Variants in CASKIN2 observed in about 807,000 individuals in gnomAD.
CASKIN2 encodes caskin-2.
A neutral mutation model predicts 107.1 loss-of-function variants in CASKIN2; 41 were observed. The ratio of observed to expected loss-of-function variants is 0.38; its 90% CI spans 0.30 to 0.50. The LOEUF (loss-of-function observed/expected upper bound fraction) is 0.50. Among genes scored for constraint, CASKIN2 ranks in the 20% least tolerant of loss-of-function variants. The probability of loss-of-function intolerance (pLI) is 0.92; values close to 1 mark genes in which losing one functional copy is unlikely to be tolerated. For synonymous variants in CASKIN2, 724 were observed against 705.6 expected, an observed-to-expected ratio of 1.03 and a Z score of -0.41; for missense variants, 1,546 against 1,657.4, an observed-to-expected ratio of 0.93 and a Z score of 1.17.
chr17:75,504,182 C>G, intron 14 of CASKIN2, 33 bp downstream of exon 14: 1 of 1,324,028 alleles, frequency 7.6e-7, no homozygotes, highest in East Asian at 2.4e-5. Flanking sequence ...CCTTCCCCCC[C>G]GAGGCCCACG....
At position 75,503,683 on chromosome 17, in the gene CASKIN2, G is replaced by T. The variant is rs142199824; in HGVS notation, c.1656C>A (p.Ala552=). 1.2e-5 allele frequency: 20 copies of T among 1,612,106 alleles called. No homozygotes were observed. Among genetic ancestry groups the T allele is most frequent in the Non-Finnish European group, 1.7e-5 (20 of 1,179,996 alleles). Residue 552 remains alanine, a synonymous_variant, in exon 16 of 20, where the codon GCC becomes GCA. Coordinates refer to ENST00000321617, the MANE Select transcript of CASKIN2 (RefSeq NM_020753.5). ...CTGGGATGTAGCTGGGCAGCCACTC[G>T]GCGATGCTGAGCTGAGCGATCTCTG... ...IASEIAQLSI[A]EWLPSYIPTD...
Position 75,500,877 on chromosome 17 carries a change from C to A in CASKIN2, c.*203G>T. ...GGCTTTGCTGAGATGCAGCGGAGGT[C>A]CCTCGCTAGTCAGGTTCTAAGGTGG... On this transcript the variant is annotated 3_prime_UTR_variant, in exon 20 of 20. Transcript: ENST00000321617. 1.7e-6 allele frequency: 1 copy of A among 580,818 alleles called. No homozygotes were observed. Among genetic ancestry groups the A allele is most frequent in the Non-Finnish European group, 3.1e-6 (1 of 324,500 alleles). The allele number at this position is 580,818 out of a possible 1,614,324, so 36.0% of individuals were successfully genotyped here. A position where few individuals can be genotyped will look rare whatever the true frequency, so the allele number is the denominator to read the frequency against.
At position 75,508,304 on chromosome 17, in the gene CASKIN2, G is replaced by A. The variant is rs1422493568; in HGVS notation, c.95-19C>T. The A allele has an allele frequency of 6.2e-7, 1 of 1,612,402 alleles. No individual in the cohort carries two copies. The highest frequency in any genetic ancestry group is 8.5e-7 in the Non-Finnish European group (1 of 1,179,194). On this transcript the variant is annotated intron_variant, in intron 2 of 19. Coordinates refer to ENST00000321617, the MANE Select transcript of CASKIN2 (RefSeq NM_020753.5). ...AGGAGCTCTAGGGGTCAGGATAGGA[G>A]GTGTCAGGGCCATCAGATGACTGCC...
In CASKIN2 at chr17:75,505,487, T is replaced by A. The variant is rs1776513620; in HGVS notation, c.930+70A>T. ...GACCTCAGAGCAGAACGTGGTAACA[T>A]AGCAGGTGCCCAAATAAGTAACAGC... On this transcript the variant is annotated intron_variant, in intron 10 of 19. Transcript: ENST00000321617. The surrounding 1 kb of genome is among the most constrained non-coding windows in gnomAD (Gnocchi z 5.1). 1 of 1,430,580 alleles carries A rather than the reference T, an allele frequency of 7.0e-7. No homozygotes were observed. 88.6% of individuals were successfully genotyped at this position (1,430,580 alleles called of 1,614,324 possible). A position where few individuals can be genotyped will look rare whatever the true frequency, so the allele number is the denominator to read the frequency against.
chr17:75,507,199 G>A (rs1306036324), intron 4 of CASKIN2, 70 bp from the exon 5 acceptor site: 1 of 1,506,390 alleles, frequency 6.6e-7, no homozygotes, highest in African/African-American at 1.4e-5. Flanking sequence ...ACTGAGCAGA[G>A]TACGGAGCCA....
rs372987556 is a variant in CASKIN2, at chr17:75,501,118, C to T, written c.3571G>A (p.Asp1191Asn). 129 of 1,590,740 alleles carry T rather than the reference C, an allele frequency of 8.1e-5. No individual in the cohort carries two copies. The highest frequency in any genetic ancestry group is 4.6e-4 in the African/African-American group (34 of 74,560). ...GCGTCCAGCTGGTCAGCCAGGGCGT[C>T]GAACATGGTGCTGATGTCATCCAGA... ...HILDDISTMF[D>N]ALADQLDAML... is the part of the protein sequence containing the mutation. Residue 1191 changes from aspartate (D) to asparagine (N), a missense_variant, in exon 20 of 20, where the codon GAC (aspartate) becomes AAC (asparagine). Asp to Asn is a conservative substitution (Grantham distance 23, BLOSUM62 1). Transcript: ENST00000321617.
rs1346879704 is a variant in CASKIN2, at chr17:75,502,789, G to A, written c.2285C>T (p.Ser762Leu). The part of the protein sequence containing the change: ...PPYVFMYPQG[S>L]PSSPAPGPPP... ...TGGCCCTGGGGCCGGGCTAGAGGGT[G>A]AGCCCTGGGGGTACATAAAAACATA... Residue 762 changes from serine (S) to leucine (L), a missense_variant, in exon 18 of 20, where the codon TCA becomes TTA. Transcript: ENST00000321617. This position sits in a 1 kb window ranked among gnomAD's most constrained non-coding sequence, Gnocchi z 4.3. 3.8e-6 allele frequency: 6 copies of A among 1,594,932 alleles called. No homozygotes were observed. Among genetic ancestry groups the A allele is most frequent in the Non-Finnish European group, 5.1e-6 (6 of 1,171,438 alleles).
chr17:75,507,152 G>C, intron 4 of CASKIN2, 23 bp from the exon 5 acceptor site: 1 of 1,598,518 alleles, frequency 6.3e-7, no homozygotes. Flanking sequence ...AAGGGTTTCT[G>C]AGGGAGGTCC....
chr17:75,501,344 T>C, intron 19 of CASKIN2, 124 bp downstream of exon 19: 1 of 1,256,580 alleles, frequency 8.0e-7, no homozygotes, highest in Non-Finnish European at 1.1e-6. Context: ...TTTCAACACC[T>C]GGCCTCTTAT....
intron 2 of CASKIN2, chr17:75,509,555 G>C: frequency 1.0e-6 from 1 of 985,212 alleles, no homozygotes; most frequent in Non-Finnish European, 1.2e-6. Flanking sequence ...AGCGCTAAAG[G>C]GGTTGTGGCC....
At position 75,502,136 on chromosome 17, in the gene CASKIN2, G is replaced by A. The variant is rs1201084941; in HGVS notation, c.2938C>T (p.Leu980Phe). Residue 980 changes from leucine to phenylalanine, a missense_variant, in exon 18 of 20, where the codon CTC (leucine) becomes TTC (phenylalanine). This residue lies in a region of CASKIN2 where 1,311 missense variants were observed against 1,311.0 expected (regional missense o/e 1.00). Transcript: ENST00000321617. The surrounding 1 kb of genome is among the most constrained non-coding windows in gnomAD (Gnocchi z 4.3). ...PPRETPVPPG[L>F]DFNLTESDTV... ...TCTGATTCCGTGAGGTTGAAATCGAGGCCGGGGGGCACGGGTGTCTCTCGG... is the reference window on the plus strand; with the variant it reads ...TCTGATTCCGTGAGGTTGAAATCGAAGCCGGGGGGCACGGGTGTCTCTCGG... 2 of 1,604,396 alleles carry A rather than the reference G, an allele frequency of 1.2e-6. No individual in the cohort carries two copies. The highest frequency in any genetic ancestry group is 1.7e-6 in the Non-Finnish European group (2 of 1,179,836).
chr17:75,513,901 G>C lies in CASKIN2; in HGVS notation c.-97C>G, dbSNP rs536071587. On this transcript the variant is annotated 5_prime_UTR_variant, in exon 2 of 20. Transcript: ENST00000321617. The stretch of plus-strand genomic sequence containing the variant: ...TCAGGGCGCCATGCCACAGCCCCTT[G>C]GAGGGCTCCCGGTTCCGGGGGAGCA... The C allele has an allele frequency of 1.2e-4, 134 of 1,110,104 alleles. No individual in the cohort carries two copies. The East Asian group carries it at 3.1e-3, about 26-fold the overall frequency. 68.8% of individuals were successfully genotyped at this position (1,110,104 alleles called of 1,614,324 possible). A position where few individuals can be genotyped will look rare whatever the true frequency, so the allele number is the denominator to read the frequency against.
Position 75,507,021 on chromosome 17 carries a change from G to A in CASKIN2, c.353C>T (p.Pro118Leu). The A allele has an allele frequency of 6.2e-7, 1 of 1,613,130 alleles. No homozygotes were observed. The highest frequency in any genetic ancestry group is 8.5e-7 in the Non-Finnish European group (1 of 1,179,938). ...TCCATACTGTGCAGCCAGGTGCAGG[G>A]GGATCTGTCCGTCCAGCGAGGCGGC... ...VNAASLDGQI[P>L]LHLAAQYGHY... Residue 118 changes from proline (P) to leucine (L), a missense_variant, in exon 5 of 20, where the codon CCC becomes CTC. Physicochemically the swap from Pro to Leu is moderately conservative, Grantham distance 98 (BLOSUM62 -3). Transcript: ENST00000321617.
chr17:75,508,941 CAT>C (rs1209849723), intron 2 of CASKIN2, among the ~76,000 whole-genome samples: 3 of 152,226 alleles, frequency 2.0e-5, no homozygotes, highest in African/African-American at 7.2e-5. Context: ...GCCCTCCTGA[CAT>C]GTGGGCAAAT....
At chr17:75,507,179 G>A (rs1335611078) in intron 4 of CASKIN2, 50 bp from the exon 5 acceptor site, 3 of 1,567,874 alleles carry the variant, frequency 1.9e-6, no homozygotes, top group Non-Finnish European at 2.6e-6. Context: ...GGCGTTGGGG[G>A]TGGAGAGGAA....
intron 2 of CASKIN2, chr17:75,509,796 C>A: frequency 1.1e-5 from 11 of 985,616 alleles, no homozygotes; most frequent in Non-Finnish European, 1.3e-5. Flanking sequence ...GCTGCCCACT[C>A]TTCCATTAGC....
rs1353342291 is a variant in CASKIN2 at position 75,513,765 on chromosome 17, C to T, written c.40G>A (p.Gly14Arg). ...AGTTTCTGCACACCGGTCACATCTC[C>T]ATTCTTGACGGCGAGGATCAGGTCC... ...EQDLILAVKN[G>R]DVTGVQKLVA... Residue 14 changes from glycine to arginine, a missense_variant, in exon 2 of 20, where the codon GGA (glycine) becomes AGA (arginine). Around this residue, in one of 6 missense-constraint regions of CASKIN2, gnomAD observed 136 missense variants for 198.6 expected, o/e 0.68. Transcript: ENST00000321617. 3 of 1,613,796 alleles carry T rather than the reference C, an allele frequency of 1.9e-6. No homozygotes were observed. The highest frequency in any genetic ancestry group is 1.3e-5 in the African/African-American group (1 of 74,936).
In CASKIN2 at chr17:75,513,693, G is replaced by C. The variant is rs566671211; in HGVS notation, c.94+18C>G. 1.1e-5 allele frequency: 17 copies of C among 1,608,158 alleles called. No individual in the cohort carries two copies. Among genetic ancestry groups the C allele is most frequent in the Non-Finnish European group, 1.4e-5 (17 of 1,175,328 alleles). On this transcript the variant is annotated intron_variant, in intron 2 of 19. Coordinates refer to ENST00000321617, the MANE Select transcript of CASKIN2 (RefSeq NM_020753.5). ...AGCGCTCGGCCTCAGCGGGATGCTC[G>C]TCCCACCCGGTACTCACTTGTCTTT... is the stretch of plus-strand genomic sequence containing the variant.
intron 2 of CASKIN2, among the ~76,000 whole-genome samples, chr17:75,512,942 C>G (rs71382168): frequency 1.4e-3 from 205 of 151,728 alleles, no homozygotes; most frequent in Non-Finnish European, 2.0e-3. Context: ...TCTTAAGACA[C>G]GAACATAGAG....
Sources: gnomAD v4.1 joint callset for allele counts (sites outside exome capture counted in the v4.1 genomes callset) on GRCh38, gnomAD v4.1.1 for gene constraint, gnomAD v4.1.1 regional missense constraint, Gnocchi (gnomAD v3.1) non-coding constraint, MANE v1.5 for transcripts, NCBI Gene and HGNC (gene_info 2026-07-23, HGNC 2026-07-21) for gene names.